TERF1: variants seen among roughly 807,000 people sequenced by gnomAD.
TERF1 encodes the protein telomeric repeat binding factor 1, also known as telomeric repeat-binding factor 1.
TERF1 carries 20 observed loss-of-function variants against 55.1 expected under a neutral mutation model. The ratio of observed to expected loss-of-function variants is 0.36; its 90% confidence interval spans 0.26 to 0.53. The LOEUF (loss-of-function observed/expected upper bound fraction) is 0.53. Among genes scored for constraint, TERF1 ranks in the 20% least tolerant of loss-of-function variants. The probability of loss-of-function intolerance (pLI) is 0.91; values close to 1 mark genes in which losing one functional copy is unlikely to be tolerated. For missense variants in TERF1, 439 were observed against 535.7 expected, an observed-to-expected ratio of 0.82 and a Z score of 1.78; for synonymous variants, 168 against 181.2, an observed-to-expected ratio of 0.93 and a Z score of 0.59.
chr8:73,037,556 G>A (rs1586062456), intron 8 of TERF1, among the ~76,000 whole-genome samples: 1 of 94,256 alleles, frequency 1.1e-5, no homozygotes, highest in East Asian at 2.7e-4. Context: ...AATATTCGGG[G>A]GGGAAAATAT....
chr8:73,028,571 A>ATTTTTTTTTTTTTTTTTTTTTT (rs59423351), intron 6 of TERF1, among the ~76,000 whole-genome samples: 1 of 104,426 alleles, frequency 9.6e-6, no homozygotes, highest in Non-Finnish European at 1.8e-5. Context: ...ACGTAGACCC[A>ATTTTTTTTTTTTTTTTTTTTTT]TTTTTTTTTT....
intron 4 of TERF1, among the ~76,000 whole-genome samples, chr8:73,022,846 T>A (rs1808824071): frequency 6.6e-6 from 1 of 152,042 alleles, no homozygotes; most frequent in South Asian, 2.1e-4. Flanking sequence ...GTGGGAAGAT[T>A]GCTTGAGCCT....
At chr8:73,035,421 ATTTT>A (rs747567226) in intron 8 of TERF1, among the ~76,000 whole-genome samples, 3 of 144,236 alleles carry the variant, frequency 2.1e-5, no homozygotes, top group Non-Finnish European at 4.6e-5. Context: ...TGCTTCGTAG[ATTTT>A]TTTTTTTTTA....
At chr8:73,032,993 A>T (rs1408899236) in intron 8 of TERF1, among the ~76,000 whole-genome samples, 1 of 149,662 alleles carries the variant, frequency 6.7e-6, no homozygotes, top group Non-Finnish European at 1.5e-5. Flanking sequence ...AGCATTAGGT[A>T]TATCTCCTAA....
chr8:73,040,088 A>G (rs187731376), intron 9 of TERF1, among the ~76,000 whole-genome samples: 1 of 148,282 alleles, frequency 6.7e-6, no homozygotes, highest in African/African-American at 2.5e-5. Context: ...TACTCGGAAT[A>G]TCTTCTGTGA....
intron 8 of TERF1, among the ~76,000 whole-genome samples, chr8:73,034,071 C>G (rs1279196501): frequency 6.6e-6 from 1 of 152,114 alleles, no homozygotes; most frequent in East Asian, 1.9e-4. Context: ...CCCACCTCAG[C>G]CTTCCAAGTA....
intron 8 of TERF1, among the ~76,000 whole-genome samples, chr8:73,038,469 A>C (rs191457001): frequency 1.3e-5 from 2 of 152,158 alleles, no homozygotes; most frequent in East Asian, 3.9e-4. Context: ...TAAAAAAAAA[A>C]AGTTACCTCT....
At chr8:73,030,744 C>G (rs16938558) in intron 7 of TERF1, 4,415 of 181,356 alleles carry the variant, frequency 0.024, 194 homozygotes, top group African/African-American at 0.096. Context: ...TAATGAATGC[C>G]CCATGCCAAT....
chr8:73,038,505 A>G (rs1003404744), intron 8 of TERF1, among the ~76,000 whole-genome samples: 1 of 151,856 alleles, frequency 6.6e-6, no homozygotes, highest in Non-Finnish European at 1.5e-5. Flanking sequence ...TTTTGTGGCT[A>G]TTGTAAATAG....
chr8:73,024,719 G>C (rs1808904666), intron 4 of TERF1, 103 bp from the exon 5 acceptor site: 11 of 867,406 alleles, frequency 1.3e-5, no homozygotes, highest in South Asian at 1.8e-5. Context: ...TGTCTCTTGA[G>C]TTTGTAAAGT....
rs1554555223 is a variant in TERF1, at chr8:73,028,571, A to AATTT, written c.887+1519_887+1520insATTT. Among the ~76,000 whole-genome samples, 604 of 104,432 alleles carry AATTT rather than the reference A, an allele frequency of 5.8e-3. 5 individuals carry two copies. The highest frequency in any genetic ancestry group is 0.021 in the African/African-American group (556 of 26,446). 68.5% of individuals were successfully genotyped at this position (104,432 alleles called of 152,430 possible). ...GGCTTATAAAGCCTTACGTAGACCC[A>AATTT]TTTTTTTTTTTTTTTTTTTTTTTTA... On this transcript the variant is annotated intron_variant, in intron 6 of 9. Coordinates refer to ENST00000276603, the MANE Select transcript of TERF1 (RefSeq NM_017489.3).
chr8:73,034,383 C>T (rs1467646070), intron 8 of TERF1, among the ~76,000 whole-genome samples: 3 of 151,960 alleles, frequency 2.0e-5, no homozygotes, highest in Non-Finnish European at 2.9e-5. Context: ...CCGCCCACCT[C>T]GGCCTCCCCA....
chr8:73,022,621 A>T (rs943991880), intron 4 of TERF1, among the ~76,000 whole-genome samples: 1 of 152,036 alleles, frequency 6.6e-6, no homozygotes, highest in Non-Finnish European at 1.5e-5. Flanking sequence ...AATAATGAAA[A>T]ATAAATACAA....
At chr8:73,030,689 C>T (rs983941784) in intron 7 of TERF1, 2 of 249,174 alleles carry the variant, frequency 8.0e-6, no homozygotes. Flanking sequence ...GTCACAGAAA[C>T]AAAGATATGA....
At chr8:73,011,141 A>AAC (rs59104872) in intron 1 of TERF1, 101,901 of 151,678 alleles carry the variant, frequency 0.67, 34,913 homozygotes, top group Middle Eastern at 0.77. Flanking sequence ...ATTAGTCCCT[A>AAC]AGGAGAGTCA....
Position 73,013,963 on chromosome 8 carries a change from A to G in TERF1, c.388A>G (p.Thr130Ala), listed in dbSNP as rs750510415. ...LRTIYICQFLTRIAAGKTLDA... is the reference protein window; with the variant it reads ...LRTIYICQFLARIAAGKTLDA... ...AACGATATACATATGTCAGTTTTTG[A>G]CAAGAATTGCAGCAGGAAAAACCCT... is the stretch of plus-strand genomic sequence containing the variant. The change falls in exon 2 of 10, where the codon ACA becomes GCA. Residue 130 changes from threonine to alanine, a missense_variant. Around this residue, in one of 4 missense-constraint regions of TERF1, gnomAD observed 95 missense variants for 167.2 expected, o/e 0.57. Transcript: ENST00000276603. 1 of 1,610,686 alleles carries G rather than the reference A, an allele frequency of 6.2e-7. No homozygotes were observed. The highest frequency in any genetic ancestry group is 8.5e-7 in the Non-Finnish European group (1 of 1,178,818).
rs778917604 is a variant in TERF1, at chr8:73,008,982, G to A, written c.96G>A (p.Glu32=). 2.5e-6 allele frequency: 4 copies of A among 1,612,696 alleles called. No homozygotes were observed. Among genetic ancestry groups the A allele is most frequent in the Non-Finnish European group, 3.4e-6 (4 of 1,179,734 alleles). ...DPTEEQMAET[E]RNDEEQFECQ... ...CTGAGGAGCAGATGGCAGAAACAGA[G>A]AGAAACGACGAGGAGCAGTTCGAAT... Residue 32 remains glutamate, a synonymous_variant, in exon 1 of 10, where the codon GAG becomes GAA. Coordinates refer to ENST00000276603, the MANE Select transcript of TERF1 (RefSeq NM_017489.3).
At chr8:73,036,011 T>C (rs749585783) in intron 8 of TERF1, among the ~76,000 whole-genome samples, 4 of 152,142 alleles carry the variant, frequency 2.6e-5, no homozygotes, top group African/African-American at 4.8e-5. Context: ...GTAAGACAGA[T>C]TATTATAGCA....
intron 7 of TERF1, chr8:73,030,818 C>T (rs1252656252): frequency 6.5e-6 from 1 of 153,016 alleles, no homozygotes; most frequent in East Asian, 1.9e-4. Flanking sequence ...GACAATACAA[C>T]CTGTCCCGAG....
Sources: gnomAD v4.1 joint callset for allele counts (sites outside exome capture counted in the v4.1 genomes callset) on GRCh38, gnomAD v4.1.1 for gene constraint, gnomAD v4.1.1 regional missense constraint, MANE v1.5 for transcripts, NCBI Gene and HGNC (gene_info 2026-07-23, HGNC 2026-07-21) for gene names.